PKD1L1: variants seen among roughly 807,000 people sequenced by gnomAD.
The protein encoded by PKD1L1 is polycystin 1 like 1, transient receptor potential channel interacting, also known as polycystin-1-like protein 1.
PKD1L1 carries 236 observed loss-of-function variants against 323.4 expected under a neutral mutation model. The observed-to-expected ratio is 0.73, with a 90% confidence interval of 0.66 to 0.81. PKD1L1 has a LOEUF of 0.81. Ranked by LOEUF, PKD1L1 falls within the 40% of genes least tolerant of loss-of-function variation. The pLI, the probability that PKD1L1 is intolerant of heterozygous loss-of-function variation, is 0.00. For missense variants in PKD1L1, 3,320 were observed against 3,508.0 expected (o/e 0.95, Z 1.35); for synonymous variants, 1,344 against 1,335.0 (o/e 1.01, Z -0.15).
intron 24 of PKD1L1, among the ~76,000 whole-genome samples, chr7:47,872,114 A>G (rs1369654393): frequency 6.6e-6 from 1 of 152,212 alleles, no homozygotes; most frequent in Non-Finnish European, 1.5e-5. Flanking sequence ...TGATGTACAG[A>G]CTTGACAAAT....
chr7:47,864,375 T>C (rs755960224), intron 26 of PKD1L1, among the ~76,000 whole-genome samples: 5 of 151,868 alleles, frequency 3.3e-5, no homozygotes, highest in Non-Finnish European at 5.9e-5. Flanking sequence ...AGGGGGAACA[T>C]CAGCTGACGG....
intron 18 of PKD1L1, 36 bp downstream of exon 18, chr7:47,885,650 A>G: frequency 6.3e-7 from 1 of 1,581,164 alleles, no homozygotes; most frequent in Non-Finnish European, 8.6e-7. Context: ...TGGTGCCTAG[A>G]CAAGAGGGAT....
Position 47,867,790 on chromosome 7 carries a change from C to T in PKD1L1, c.3897-1176G>A, listed in dbSNP as rs116665289. On this transcript the variant is annotated intron_variant, in intron 24 of 56. Coordinates refer to ENST00000289672, the MANE Select transcript of PKD1L1 (RefSeq NM_138295.5). ...TAAATTTATAAGTTACAGAGAGAAC[C>T]AAATGGAAATTATGAAGTTATATGT... 3.3e-3 allele frequency among the ~76,000 whole-genome samples: 507 copies of T among 151,680 alleles called. 6 individuals carry two copies. The highest frequency in any genetic ancestry group is 0.011 in the African/African-American group (473 of 41,324).
Position 47,858,731 on chromosome 7 carries a change from G to A in PKD1L1, c.4304C>T (p.Ser1435Leu), listed in dbSNP as rs371773823. ...TTCATGTCGATAGACTTCCTCCTTC[G>A]AGTTTTCTTGCTCAGAGACTTCCCA... ...RVWEVSEQEN[S>L]KEEVYRHEEG... is the part of the protein sequence containing the mutation. The change falls in exon 27 of 57, where the codon TCG (serine) becomes TTG (leucine). Residue 1435 changes from serine (S) to leucine (L), a missense_variant. Coordinates refer to ENST00000289672, the MANE Select transcript of PKD1L1 (RefSeq NM_138295.5). The A allele has an allele frequency of 9.9e-6, 16 of 1,613,926 alleles. No individual in the cohort carries two copies. Among genetic ancestry groups the A allele is most frequent in the Admixed American group, 1.7e-5 (1 of 60,006 alleles).
In PKD1L1 at chr7:47,813,208, A is replaced by G. The variant is rs757609457; in HGVS notation, c.7259T>C (p.Ile2420Thr). ...GGTCACGTTTTGGTTCTCTGGGTCT[A>G]TCAGGTAGGGGTTCTCAGGGCCTCC... ...EVGGPENPYL[I>T]DPENQNVTLN... Residue 2420 changes from isoleucine (I) to threonine (T), a missense_variant, in exon 49 of 57, where the codon ATA (isoleucine) becomes ACA (threonine). By Grantham distance (89) the Ile-to-Thr change is moderately conservative. Transcript: ENST00000289672. 2 of 1,614,180 alleles carry G rather than the reference A, an allele frequency of 1.2e-6. No individual in the cohort carries two copies. Among genetic ancestry groups the G allele is most frequent in the Non-Finnish European group, 1.7e-6 (2 of 1,180,028 alleles).
At chr7:47,915,762 TAGA>T (rs1300580472) in intron 7 of PKD1L1, among the ~76,000 whole-genome samples, 163 bp from the exon 8 acceptor site, 6 of 151,870 alleles carry the variant, frequency 4.0e-5, no homozygotes, top group African/African-American at 1.2e-4. Flanking sequence ...ATAAAAATGA[TAGA>T]AGAAAATACA....
At chr7:47,874,833 A>G (rs920317696) in intron 23 of PKD1L1, among the ~76,000 whole-genome samples, 3 of 152,170 alleles carry the variant, frequency 2.0e-5, no homozygotes, top group African/African-American at 7.2e-5. Context: ...TATTTACTAT[A>G]TTGTATTTAT....
chr7:47,790,553 G>A (rs941310384), intron 56 of PKD1L1, among the ~76,000 whole-genome samples: 1 of 151,784 alleles, frequency 6.6e-6, no homozygotes, highest in East Asian at 1.9e-4. Context: ...GGATGGTCTT[G>A]ATCTCCTGAC....
chr7:47,952,541 C>T (rs929337379), upstream of PKD1L1, among the ~76,000 whole-genome samples: 1 of 152,196 alleles, frequency 6.6e-6, no homozygotes, highest in African/African-American at 2.4e-5. Flanking sequence ...AAATCTCATG[C>T]CCAGAAGAGC....
intron 24 of PKD1L1, among the ~76,000 whole-genome samples, chr7:47,872,197 A>C (rs1786296538): frequency 6.6e-6 from 1 of 152,190 alleles, no homozygotes; most frequent in Non-Finnish European, 1.5e-5. Context: ...CTGGAGCCCC[A>C]GTCTGCCCCA....
chr7:47,937,253 T>TGGGGGG (rs1787886392), intron 3 of PKD1L1, among the ~76,000 whole-genome samples: 3 of 2,466 alleles, frequency 1.2e-3, no homozygotes, highest in Admixed American at 4.5e-3. Context: ...CGGGACGGGG[T>TGGGGGG]GGGGGTGGGG....
At chr7:47,951,031 A>C (rs1788196930), upstream of PKD1L1, among the ~76,000 whole-genome samples, 1 of 152,216 alleles carries the variant, frequency 6.6e-6, no homozygotes, top group South Asian at 2.1e-4. Context: ...CCGAGGACGG[A>C]GGGGTGTGCT....
chr7:47,827,450 G>A lies in PKD1L1; in HGVS notation c.6754C>T (p.Gln2252Ter), dbSNP rs1482115637. ...EVEKVLAARQ[Q>*]ARHLRWAHPP... is the part of the protein sequence containing the mutation. Reference sequence around the variant, plus strand: ...TGCGCCCAGCGCAGGTGGCGAGCTTGTTGTCGGGCAGCCAAGACCTGTCAG... The same window carrying A: ...TGCGCCCAGCGCAGGTGGCGAGCTTATTGTCGGGCAGCCAAGACCTGTCAG... The change falls in exon 45 of 57, where the codon CAA (glutamine) becomes TAA (stop). Residue 2252 changes from glutamine to a stop codon, truncating the protein, a stop_gained. Coordinates refer to ENST00000289672, the MANE Select transcript of PKD1L1 (RefSeq NM_138295.5). LOFTEE classifies it high-confidence loss of function. The A allele has an allele frequency of 1.2e-6, 2 of 1,609,906 alleles. No individual in the cohort carries two copies. Among genetic ancestry groups the A allele is most frequent in the Non-Finnish European group, 1.7e-6 (2 of 1,179,100 alleles).
intron 45 of PKD1L1, among the ~76,000 whole-genome samples, chr7:47,825,558 A>T (rs1389279563): frequency 6.6e-6 from 1 of 151,690 alleles, no homozygotes; most frequent in Non-Finnish European, 1.5e-5. Flanking sequence ...GAATATTAAA[A>T]CTTTGTTACA....
chr7:47,885,651 CA>C (rs1419130622), intron 18 of PKD1L1, 34 bp downstream of exon 18: 1 of 1,582,226 alleles, frequency 6.3e-7, no homozygotes, highest in Non-Finnish European at 8.6e-7. Context: ...GGTGCCTAGA[CA>C]AGAGGGATGA....
chr7:47,947,237 A>G (rs1788115336), intron 1 of PKD1L1, among the ~76,000 whole-genome samples: 1 of 152,240 alleles, frequency 6.6e-6, no homozygotes. Flanking sequence ...CTTTGATAAA[A>G]TGATGGTGAT....
chr7:47,929,275 G>A lies in PKD1L1; in HGVS notation c.989C>T (p.Ser330Phe). ...LCLMMDFGDS[S>F]GVEMRLHNMS... ...GTTGTGTAGCCTCATTTCAACCCCA[G>A]AACTGTCCCCGAAATCCATCATCAG... Residue 330 changes from serine (S) to phenylalanine (F), a missense_variant, in exon 7 of 57, where the codon TCT (serine) becomes TTT (phenylalanine). Ser to Phe is a radical substitution (Grantham distance 155). Transcript: ENST00000289672. 1 of 1,614,114 alleles carries A rather than the reference G, an allele frequency of 6.2e-7. No individual in the cohort carries two copies. The highest frequency in any genetic ancestry group is 8.5e-7 in the Non-Finnish European group (1 of 1,180,028).
intron 32 of PKD1L1, among the ~76,000 whole-genome samples, chr7:47,845,862 T>C (rs1291485245): frequency 2.0e-5 from 3 of 152,228 alleles, no homozygotes; most frequent in East Asian, 3.8e-4. Context: ...ATTACAGGCA[T>C]GAGCCACCAC....
At chr7:47,833,391 A>G in intron 40 of PKD1L1, 139 bp from the exon 41 acceptor site, 1 of 921,282 alleles carries the variant, frequency 1.1e-6, no homozygotes, top group Non-Finnish European at 1.6e-6. Flanking sequence ...GCCTCTAAAG[A>G]CTTCTGAGGG....
Sources: allele counts gnomAD v4.1 joint callset (sites outside exome capture counted in the v4.1 genomes callset), GRCh38; gene constraint gnomAD v4.1.1; transcripts MANE v1.5; gene names NCBI Gene and HGNC (gene_info 2026-07-23, HGNC 2026-07-21).